The following NRDC variants were observed in gnomAD, a reference collection of about 807,000 sequenced individuals.
The protein encoded by NRDC is nardilysin convertase.
A neutral mutation model predicts 147.1 loss-of-function variants in NRDC; 54 were observed. The observed-to-expected ratio is 0.37, with a 90% CI of 0.29 to 0.46. NRDC has a LOEUF of 0.46. NRDC is among the 20% of genes least tolerant of loss of function. The pLI is 1.00. For missense variants in NRDC, 1,082 were observed against 1,370.6 expected (o/e 0.79, Z 3.33); for synonymous variants, 440 against 482.1 (o/e 0.91, Z 1.14).
intron 14 of NRDC, 85 bp downstream of exon 14, chr1:51,813,950 C>A: frequency 1.1e-6 from 1 of 899,358 alleles, no homozygotes; most frequent in Non-Finnish European, 1.8e-6. Flanking sequence ...AAAACTCCAC[C>A]GACACTTTCA....
chr1:51,832,306 CAA>C (rs1680753102), intron 4 of NRDC, among the ~76,000 whole-genome samples: 1 of 152,110 alleles, frequency 6.6e-6, no homozygotes, highest in Admixed American at 6.5e-5. Flanking sequence ...CTCGGCCCCC[CAA>C]AGTGTTGGGA....
chr1:51,806,844 G>A lies in NRDC; in HGVS notation c.2060C>T (p.Pro687Leu). Reference sequence around the variant, plus strand: ...TTTCTTATACCACAGGCAACCTTGTGGAGTATTCACAATTTTAACTGGGTA... The same window carrying A: ...TTTCTTATACCACAGGCAACCTTGTAGAGTATTCACAATTTTAACTGGGTA... ...TEYPVKIVNT[P>L]QGCLWYKKDN... Residue 687 changes from proline (P) to leucine (L), a missense_variant, in exon 18 of 31, where the codon CCA (proline) becomes CTA (leucine). Around this residue, in one of 3 missense-constraint regions of NRDC, gnomAD observed 635 missense variants for 923.8 expected, o/e 0.69. Transcript: ENST00000352171. The A allele has an allele frequency of 6.2e-7, 1 of 1,614,084 alleles. No individual in the cohort carries two copies. Among genetic ancestry groups the A allele is most frequent in the Non-Finnish European group, 8.5e-7 (1 of 1,179,952 alleles).
At chr1:51,791,432 A>G (rs1267005468) in intron 27 of NRDC, 146 bp downstream of exon 27, 1 of 681,550 alleles carries the variant, frequency 1.5e-6, no homozygotes, top group African/African-American at 1.8e-5. Flanking sequence ...CAGACCATCT[A>G]TAACAACCCC....
intron 1 of NRDC, among the ~76,000 whole-genome samples, chr1:51,847,000 G>C (rs1466635446): frequency 6.9e-6 from 1 of 144,594 alleles, no homozygotes; most frequent in Non-Finnish European, 1.6e-5. Flanking sequence ...GCTGATTGGT[G>C]CATTCACAAA....
chr1:51,821,795 G>A (rs2149209045), intron 7 of NRDC, among the ~76,000 whole-genome samples: 1 of 152,196 alleles, frequency 6.6e-6, no homozygotes, highest in African/African-American at 2.4e-5. Flanking sequence ...AGTCAGAAAA[G>A]GCACACAAGT....
At chr1:51,846,277 TA>T (rs1248918328) in intron 1 of NRDC, among the ~76,000 whole-genome samples, 4 of 151,994 alleles carry the variant, frequency 2.6e-5, no homozygotes, top group Admixed American at 1.3e-4. Flanking sequence ...CGCACCTGGT[TA>T]ATTTTTTTAT....
chr1:51,827,309 T>TA (rs1680489841), intron 5 of NRDC, among the ~76,000 whole-genome samples: 2 of 152,126 alleles, frequency 1.3e-5, no homozygotes, highest in African/African-American at 2.4e-5. Context: ...GTGGAACAAA[T>TA]ACAGAGACTT....
intron 26 of NRDC, 57 bp downstream of exon 26, chr1:51,791,989 C>G: frequency 6.4e-7 from 1 of 1,570,578 alleles, no homozygotes; most frequent in Non-Finnish European, 8.8e-7. Flanking sequence ...GATGAACAGC[C>G]TGCAAAGTAA....
In NRDC at chr1:51,840,454, T is replaced by C. The variant is rs1273983585; in HGVS notation, c.402A>G (p.Glu134=). The C allele has an allele frequency of 6.2e-6, 10 of 1,612,912 alleles. No individual in the cohort carries two copies. The highest frequency in any genetic ancestry group is 8.5e-6 in the Non-Finnish European group (10 of 1,179,344). Residue 134 remains glutamate (E), a synonymous_variant, in exon 2 of 31, where the codon GAA becomes GAG. Transcript: ENST00000352171. ...ALLISDLSNM[E]GKTGNTTDDE... ...CATCTGTTGTATTTCCTGTTTTACC[T>C]TCCATATTACTTAGGTCTGAAATCA...
intron 1 of NRDC, among the ~76,000 whole-genome samples, chr1:51,841,987 G>A (rs1001361086): frequency 1.3e-5 from 2 of 152,014 alleles, no homozygotes; most frequent in Non-Finnish European, 1.5e-5. Flanking sequence ...AGCAGGCAAC[G>A]TAGCGAAACC....
At chr1:51,790,704 G>C (rs1344729711) in intron 28 of NRDC, 55 bp from the exon 29 acceptor site, 23 of 1,271,366 alleles carry the variant, frequency 1.8e-5, no homozygotes, top group Admixed American at 3.4e-5. Flanking sequence ...ACTTCCCACA[G>C]AACACACTGG....
At position 51,878,507 on chromosome 1, in the gene NRDC, C is replaced by T. The variant is rs1418394410; in HGVS notation, c.109G>A (p.Glu37Lys). Residue 37 changes from glutamate (E) to lysine (K), a missense_variant, in exon 1 of 31, where the codon GAA (glutamate) becomes AAA (lysine). By Grantham distance (56) the Glu-to-Lys change is moderately conservative (BLOSUM62 1). This residue lies in a region of NRDC where 260 missense variants were observed against 253.2 expected (regional missense o/e 1.03). Transcript: ENST00000352171. Reference sequence around the variant, plus strand: ...AAGGGTCTGGCAGCAGCAGAGTCTTCGCACCGACCCCGCGTTTCGATTCCC... The same window carrying T: ...AAGGGTCTGGCAGCAGCAGAGTCTTTGCACCGACCCCGCGTTTCGATTCCC... ...LWGIETRGRC[E>K]DSAAARPFPI... 1.9e-6 allele frequency: 3 copies of T among 1,613,810 alleles called. No homozygotes were observed. The highest frequency in any genetic ancestry group is 2.5e-6 in the Non-Finnish European group (3 of 1,179,962).
chr1:51,869,964 T>C (rs1683006163), intron 1 of NRDC, among the ~76,000 whole-genome samples: 1 of 152,190 alleles, frequency 6.6e-6, no homozygotes, highest in African/African-American at 2.4e-5. Context: ...CCCAGGCTGG[T>C]CTTGAACTAC....
At chr1:51,856,744 C>T (rs547833453) in intron 1 of NRDC, among the ~76,000 whole-genome samples, 79 of 151,964 alleles carry the variant, frequency 5.2e-4, no homozygotes, top group South Asian at 1.0e-3. Flanking sequence ...TAGGGTGGGA[C>T]GCCCTCTGAG....
Position 51,814,701 on chromosome 1 carries a change from A to T in NRDC, c.1552T>A (p.Phe518Ile). 6.2e-7 allele frequency: 1 copy of T among 1,607,938 alleles called. No individual in the cohort carries two copies. The highest frequency in any genetic ancestry group is 1.7e-5 in the Admixed American group (1 of 58,904). ...ITLTDEGYEH[F>I]YEVAYTVFQY... ...GAATTTGAATTATTTACCTCATAAA[A>T]ATGTTCATAACCCTCATCAGTCAAT... is the stretch of plus-strand genomic sequence containing the variant. The change falls in exon 12 of 31, where the codon TTT (phenylalanine) becomes ATT (isoleucine). Residue 518 changes from phenylalanine to isoleucine, a missense_variant. By Grantham distance (21) the Phe-to-Ile change is conservative (BLOSUM62 0). This residue lies in a region of NRDC where 635 missense variants were observed against 923.8 expected (regional missense o/e 0.69). Coordinates refer to ENST00000352171, the MANE Select transcript of NRDC (RefSeq NM_001101662.2).
intron 24 of NRDC, chr1:51,794,051 G>T: frequency 6.2e-6 from 1 of 161,212 alleles, no homozygotes; most frequent in Admixed American, 5.8e-5. Flanking sequence ...CCCTAAAACA[G>T]AGGTGATAAA....
At chr1:51,822,008 G>A (rs1680232266) in intron 7 of NRDC, among the ~76,000 whole-genome samples, 1 of 151,926 alleles carries the variant, frequency 6.6e-6, no homozygotes, top group African/African-American at 2.4e-5. Flanking sequence ...TACACTTGCT[G>A]AGGTTTTAAC....
chr1:51,815,065 T>C (rs949075017), intron 11 of NRDC, among the ~76,000 whole-genome samples: 1 of 152,114 alleles, frequency 6.6e-6, no homozygotes, highest in Non-Finnish European at 1.5e-5. Flanking sequence ...TACGAATAGA[T>C]ATGGCACCAT....
chr1:51,848,319 C>CA (rs551016956), intron 1 of NRDC, among the ~76,000 whole-genome samples: 44 of 152,044 alleles, frequency 2.9e-4, no homozygotes, highest in Non-Finnish European at 5.2e-4. Context: ...ACTAAAAATA[C>CA]AAAAAAAGAA....
Sources: gnomAD v4.1 joint callset for allele counts (sites outside exome capture counted in the v4.1 genomes callset) on GRCh38, gnomAD v4.1.1 for gene constraint, gnomAD v4.1.1 regional missense constraint, MANE v1.5 for transcripts, NCBI Gene and HGNC (gene_info 2026-07-23, HGNC 2026-07-21) for gene names.